The following ATRNL1 variants were observed in gnomAD, a reference collection of about 807,000 sequenced individuals.
ATRNL1 encodes attractin like 1, also known as attractin-like protein 1.
In ATRNL1, 95 loss-of-function variants were observed where a neutral mutation model predicts 182.7. The observed-to-expected ratio is 0.52, with a 90% CI of 0.44 to 0.62. ATRNL1 has a LOEUF of 0.62. Among genes scored for constraint, ATRNL1 ranks in the 20% least tolerant of loss-of-function variants. The pLI, the probability that ATRNL1 is intolerant of heterozygous loss-of-function variation, is 0.00. For synonymous variants in ATRNL1, 576 were observed against 568.3 expected (o/e 1.01, Z -0.19); for missense variants, 1,471 against 1,679.5 (o/e 0.88, Z 2.17).
At position 115,327,789 on chromosome 10, in the gene ATRNL1, T is replaced by C. The variant is rs75509146; in HGVS notation, c.3038-6493T>C. The stretch of plus-strand genomic sequence containing the variant: ...GATGAGTTCATGTCCTTTGTAGGGA[T>C]ATGGATGAAATTGGAAATCATCATT... On this transcript the variant is annotated intron_variant, in intron 18 of 28. Transcript: ENST00000355044. Among the ~76,000 whole-genome samples, 35 of 152,080 alleles carry C rather than the reference T, an allele frequency of 2.3e-4. No individual in the cohort carries two copies. In the East Asian group the frequency reaches 2.9e-3, roughly 13 times the overall value.
chr10:115,289,462 C>A (rs1244967103), intron 15 of ATRNL1, among the ~76,000 whole-genome samples: 2 of 152,004 alleles, frequency 1.3e-5, no homozygotes, highest in African/African-American at 4.8e-5. Context: ...TTTAGTAAAC[C>A]CATTCCTGAA....
chr10:115,550,405 A>C (rs1221773304), intron 26 of ATRNL1, among the ~76,000 whole-genome samples: 1 of 151,856 alleles, frequency 6.6e-6, no homozygotes, highest in African/African-American at 2.4e-5. Context: ...ATAATATTTA[A>C]AGACATGTAA....
chr10:115,359,244 T>C (rs1326205808), intron 19 of ATRNL1, among the ~76,000 whole-genome samples: 1 of 151,698 alleles, frequency 6.6e-6, no homozygotes, highest in Non-Finnish European at 1.5e-5. Flanking sequence ...ATATGTTTTG[T>C]AGTTTTTTAC....
At chr10:115,674,583 C>G (rs1945802265) in intron 26 of ATRNL1, among the ~76,000 whole-genome samples, 1 of 152,072 alleles carries the variant, frequency 6.6e-6, no homozygotes, top group Non-Finnish European at 1.5e-5. Flanking sequence ...TCCCAGTTCT[C>G]AAGGACCTCC....
chr10:115,178,531 A>G (rs1462893376), intron 8 of ATRNL1, among the ~76,000 whole-genome samples: 1 of 152,174 alleles, frequency 6.6e-6, no homozygotes, highest in Admixed American at 6.6e-5. Context: ...TTAAATGAAT[A>G]TGACACATGC....
At chr10:115,454,300 T>C (rs1286227428) in intron 21 of ATRNL1, among the ~76,000 whole-genome samples, 1 of 152,168 alleles carries the variant, frequency 6.6e-6, no homozygotes, top group Non-Finnish European at 1.5e-5. Context: ...TTGATTATTA[T>C]AGCCTTGTAA....
chr10:115,691,016 C>G (rs1593072966), intron 26 of ATRNL1, among the ~76,000 whole-genome samples: 1 of 152,274 alleles, frequency 6.6e-6, no homozygotes, highest in African/African-American at 2.4e-5. Context: ...TTTTCCTTCT[C>G]TGCCTCAGGT....
In ATRNL1 at chr10:115,328,657, A is replaced by G. The variant is rs1395000222; in HGVS notation, c.3038-5625A>G. On this transcript the variant is annotated intron_variant, in intron 18 of 28. Transcript: ENST00000355044. ...ATGAGATCTTTTTTTTAAAGATACC[A>G]TATATGACTGAGATCATGTGGTGAT... is the stretch of plus-strand genomic sequence containing the variant. Among the ~76,000 whole-genome samples the G allele has an allele frequency of 2.0e-5, 3 of 152,090 alleles. No homozygotes were observed. In the East Asian group the frequency reaches 5.8e-4, roughly 29 times the overall value.
At chr10:115,370,442 T>G (rs1206954248) in intron 19 of ATRNL1, among the ~76,000 whole-genome samples, 1 of 152,180 alleles carries the variant, frequency 6.6e-6, no homozygotes, top group African/African-American at 2.4e-5. Context: ...CTGATAATGA[T>G]ATGGACAATG....
At chr10:115,260,402 A>G (rs1851345320) in intron 10 of ATRNL1, among the ~76,000 whole-genome samples, 1 of 152,200 alleles carries the variant, frequency 6.6e-6, no homozygotes, top group Non-Finnish European at 1.5e-5. Context: ...TGACCAGCCT[A>G]AGAGAAAGCA....
At chr10:115,478,652 C>T (rs962984498) in intron 24 of ATRNL1, among the ~76,000 whole-genome samples, 3 of 151,622 alleles carry the variant, frequency 2.0e-5, no homozygotes, top group East Asian at 3.9e-4. Flanking sequence ...ATTGTATTCA[C>T]AGATTCCACC....
At chr10:115,370,109 A>G (rs1857312860) in intron 19 of ATRNL1, among the ~76,000 whole-genome samples, 1 of 152,220 alleles carries the variant, frequency 6.6e-6, no homozygotes, top group Admixed American at 6.5e-5. Flanking sequence ...CTTGTCTGCC[A>G]CCATGTGAGA....
chr10:115,782,807 A>C (rs1200097207), intron 27 of ATRNL1, among the ~76,000 whole-genome samples: 2 of 152,206 alleles, frequency 1.3e-5, no homozygotes, highest in African/African-American at 2.4e-5. Flanking sequence ...ATATAAGAGT[A>C]TAACTATATA....
chr10:115,182,450 A>C (rs1421331221), intron 8 of ATRNL1, among the ~76,000 whole-genome samples: 12 of 151,670 alleles, frequency 7.9e-5, no homozygotes, highest in African/African-American at 2.9e-4. Flanking sequence ...AGAAATATGC[A>C]TTATAATACA....
intron 28 of ATRNL1, among the ~76,000 whole-genome samples, chr10:115,873,551 A>G (rs1422876036): frequency 2.0e-5 from 3 of 152,224 alleles, no homozygotes; most frequent in African/African-American, 7.2e-5. Context: ...ACCTTTTAAC[A>G]TATAGGTATA....
intron 27 of ATRNL1, among the ~76,000 whole-genome samples, chr10:115,759,127 A>T (rs1246732641): frequency 4.6e-5 from 7 of 152,182 alleles, no homozygotes; most frequent in Non-Finnish European, 8.8e-5. Flanking sequence ...ATAATATTGT[A>T]TTATTTTGTT....
intron 19 of ATRNL1, among the ~76,000 whole-genome samples, chr10:115,358,175 C>T (rs1199072810): frequency 6.6e-6 from 1 of 151,646 alleles, no homozygotes; most frequent in Admixed American, 6.6e-5. Flanking sequence ...CATGAATGCT[C>T]TCACTATGTA....
At chr10:115,608,554 A>G (rs1328795512) in intron 26 of ATRNL1, among the ~76,000 whole-genome samples, 1 of 152,100 alleles carries the variant, frequency 6.6e-6, no homozygotes, top group Non-Finnish European at 1.5e-5. Flanking sequence ...TGTTATTACT[A>G]AAAGTATGCA....
chr10:115,551,259 A>G (rs1245227407), intron 26 of ATRNL1, among the ~76,000 whole-genome samples: 4 of 151,632 alleles, frequency 2.6e-5, no homozygotes, highest in African/African-American at 9.7e-5. Context: ...CTAATATTGT[A>G]TTATCTCAGT....
Sources: allele counts gnomAD v4.1 joint callset (sites outside exome capture counted in the v4.1 genomes callset), GRCh38; gene constraint gnomAD v4.1.1; transcripts MANE v1.5; gene names NCBI Gene and HGNC (gene_info 2026-07-23, HGNC 2026-07-21).